USO1: variants seen among roughly 807,000 people sequenced by gnomAD.
USO1 encodes USO1 vesicle transport factor.
USO1 carries 57 observed loss-of-function variants against 124.5 expected under a neutral mutation model. That is an observed-to-expected ratio of 0.46 (90% CI 0.37 to 0.57). USO1 has a LOEUF of 0.57. Among genes scored for constraint, USO1 ranks in the 20% least tolerant of loss-of-function variants. USO1 has a pLI of 0.00. For missense variants in USO1, 900 were observed against 1,040.6 expected (o/e 0.86, Z 1.86); for synonymous variants, 369 against 362.8 (o/e 1.02, Z -0.19).
chr4:75,783,681 A>G (rs1722283758), intron 9 of USO1, among the ~76,000 whole-genome samples: 1 of 152,148 alleles, frequency 6.6e-6, no homozygotes, highest in Non-Finnish European at 1.5e-5. Context: ...GTCCCATGCC[A>G]TGGGAGTTGC....
At chr4:75,802,526 C>T (rs1722878808) in intron 17 of USO1, among the ~76,000 whole-genome samples, 1 of 152,016 alleles carries the variant, frequency 6.6e-6, no homozygotes, top group South Asian at 2.1e-4. Context: ...GCATCTAGAA[C>T]TATAAAATGT....
Position 75,813,226 on chromosome 4 carries a change from T to G in USO1, c.2820T>G (p.Leu940=). 1.2e-6 allele frequency: 2 copies of G among 1,610,454 alleles called. No homozygotes were observed. The highest frequency in any genetic ancestry group is 1.7e-6 in the Non-Finnish European group (2 of 1,178,874). Reference sequence around the variant, plus strand: ...TCTAGGTTGAAGAAGAGGATGAACTTGAATCTGGAGACCAAGAGGATGAGG... The same window carrying G: ...TCTAGGTTGAAGAAGAGGATGAACTGGAATCTGGAGACCAAGAGGATGAGG... ...LGHPVEEEDE[L]ESGDQEDEDD... The change falls in exon 24 of 24, where the codon CTT becomes CTG. Residue 940 remains leucine, a synonymous_variant. Transcript: ENST00000514213.
chr4:75,798,693 G>A (rs545341076), intron 13 of USO1, among the ~76,000 whole-genome samples: 31 of 151,944 alleles, frequency 2.0e-4, no homozygotes, highest in Admixed American at 1.6e-3. Flanking sequence ...GAAATTTTTC[G>A]GAACACAGTG....
At chr4:75,753,038 A>G (rs1721334274) in intron 3 of USO1, among the ~76,000 whole-genome samples, 1 of 149,576 alleles carries the variant, frequency 6.7e-6, no homozygotes, top group African/African-American at 2.5e-5. Context: ...ATTTACATAT[A>G]ATATACATAT....
chr4:75,801,045 T>C (rs1258524889), intron 16 of USO1, 34 bp from the exon 17 acceptor site: 13 of 1,485,898 alleles, frequency 8.7e-6, no homozygotes, highest in Non-Finnish European at 1.2e-5. Flanking sequence ...TTTAAAACAT[T>C]TAAAACAAAT....
intron 1 of USO1, among the ~76,000 whole-genome samples, chr4:75,733,521 G>A (rs939562773): frequency 9.2e-5 from 14 of 152,172 alleles, no homozygotes; most frequent in Non-Finnish European, 4.4e-5. Flanking sequence ...CATTCTGACT[G>A]GTGGGAGATG....
At position 75,770,434 on chromosome 4, in the gene USO1, T is replaced by G. The variant is rs762186385; in HGVS notation, c.296-5T>G. 1.3e-6 allele frequency: 2 copies of G among 1,541,160 alleles called. No individual in the cohort carries two copies. The highest frequency in any genetic ancestry group is 1.7e-6 in the Non-Finnish European group (2 of 1,145,642). ...ATTGAAATTCTTTATTTTTGAATATTACAGAAGAAAATTCCACAAGACAGA... is the reference window on the plus strand; with the variant it reads ...ATTGAAATTCTTTATTTTTGAATATGACAGAAGAAAATTCCACAAGACAGA... On this transcript the variant is annotated splice_polypyrimidine_tract_variant and splice_region_variant and intron_variant, in intron 4 of 23. Transcript: ENST00000514213.
In USO1 at chr4:75,813,990, AAAAC is replaced by A. The variant is rs1399169015; in HGVS notation, c.*699_*702del. ...TCTTTTTGTTTTAAGCTAAACATCT[AAAAC>A]AAATTTCAAGTTAACAGTTCATACA... On this transcript the variant is annotated 3_prime_UTR_variant, in exon 24 of 24. Transcript: ENST00000514213. 2 of 152,232 alleles carry A rather than the reference AAAAC, an allele frequency of 1.3e-5. No homozygotes were observed. The highest frequency in any genetic ancestry group is 2.9e-5 in the Non-Finnish European group (2 of 68,042). The allele number at this position is 152,232 out of a possible 1,614,324, so 9.4% of individuals were successfully genotyped here.
chr4:75,790,501 G>C, intron 11 of USO1, 142 bp from the exon 12 acceptor site: 1 of 1,338,412 alleles, frequency 7.5e-7, no homozygotes, highest in Non-Finnish European at 9.8e-7. Flanking sequence ...GTCAGTTACA[G>C]TTTTCTGTGA....
intron 1 of USO1, among the ~76,000 whole-genome samples, chr4:75,726,268 C>G (rs1394088579): frequency 5.1e-5 from 6 of 118,772 alleles, no homozygotes; most frequent in Non-Finnish European, 8.0e-5. Context: ...GCAACAAGAG[C>G]GAAACTCTGT....
At chr4:75,764,738 T>G (rs966110220) in intron 4 of USO1, among the ~76,000 whole-genome samples, 4 of 152,200 alleles carry the variant, frequency 2.6e-5, no homozygotes, top group South Asian at 2.1e-4. Context: ...ATTGTCTATC[T>G]TGTAAGCAAG....
chr4:75,787,843 C>G (rs1722406236), intron 10 of USO1, among the ~76,000 whole-genome samples: 1 of 152,056 alleles, frequency 6.6e-6, no homozygotes. Flanking sequence ...TGTATTGATA[C>G]CATTCCTGCT....
At chr4:75,793,654 T>A in intron 12 of USO1, 36 bp from the exon 13 acceptor site, 2 of 1,558,588 alleles carry the variant, frequency 1.3e-6, no homozygotes, top group South Asian at 2.4e-5. Context: ...CGTCAAAATC[T>A]AATATATTTT....
chr4:75,800,886 T>A (rs1461989069), intron 16 of USO1, 87 bp downstream of exon 16: 3 of 1,508,460 alleles, frequency 2.0e-6, no homozygotes, highest in Non-Finnish European at 2.7e-6. Context: ...ACAGGTTATA[T>A]GGTAACTCTA....
chr4:75,757,835 T>G (rs1266538213), intron 4 of USO1, among the ~76,000 whole-genome samples: 1 of 152,102 alleles, frequency 6.6e-6, no homozygotes, highest in Non-Finnish European at 1.5e-5. Context: ...TGTGTTTGGT[T>G]TTAGTTAGGC....
At chr4:75,802,114 G>A (rs766982582) in intron 17 of USO1, among the ~76,000 whole-genome samples, 1 of 152,142 alleles carries the variant, frequency 6.6e-6, no homozygotes, top group Non-Finnish European at 1.5e-5. Flanking sequence ...AAGCCAGCGC[G>A]CCCAGCCTAC....
chr4:75,811,267 T>G (rs1723140727), intron 22 of USO1, among the ~76,000 whole-genome samples: 1 of 152,068 alleles, frequency 6.6e-6, no homozygotes, highest in African/African-American at 2.4e-5. Context: ...GCGATTCTCC[T>G]GCCTCAGCCT....
intron 12 of USO1, among the ~76,000 whole-genome samples, chr4:75,792,022 CT>C (rs35321728): frequency 0.013 from 1,741 of 136,410 alleles, 7 homozygotes; most frequent in African/African-American, 0.026. Flanking sequence ...TGAAATGCTT[CT>C]TTTTTTTTTT....
chr4:75,801,129 G>T lies in USO1; in HGVS notation c.1915G>T (p.Glu639Ter), dbSNP rs769019746. 1 of 1,607,252 alleles carries T rather than the reference G, an allele frequency of 6.2e-7. No individual in the cohort carries two copies. Among genetic ancestry groups the T allele is most frequent in the Non-Finnish European group, 8.5e-7 (1 of 1,176,686 alleles). ...GTCCAGTGAAGAAGATAAAAAAGAAGAAGAGGTGAAAAAAACATTAGAACA... is the reference window on the plus strand; with the variant it reads ...GTCCAGTGAAGAAGATAAAAAAGAATAAGAGGTGAAAAAAACATTAGAACA... ...YKSSEEDKKE[E>*]EVKKTLEQHD... Residue 639 changes from glutamate (E) to a stop codon, truncating the protein, a stop_gained, in exon 17 of 24, where the codon GAA becomes TAA. Coordinates refer to ENST00000514213, the MANE Select transcript of USO1 (RefSeq NM_003715.4). LOFTEE classifies it high-confidence loss of function.
Sources: allele counts gnomAD v4.1 joint callset (sites outside exome capture counted in the v4.1 genomes callset), GRCh38; gene constraint gnomAD v4.1.1; transcripts MANE v1.5; gene names NCBI Gene and HGNC (gene_info 2026-07-23, HGNC 2026-07-21).